TTLL5: variants seen among roughly 807,000 people sequenced by gnomAD.
TTLL5 encodes the protein tubulin polyglutamylase TTLL5.
Under a neutral mutation model 168.4 loss-of-function variants are expected in TTLL5, and 132 were observed. That is an observed-to-expected ratio of 0.78 (90% CI 0.68 to 0.91). The LOEUF is 0.91. Ranked by LOEUF, TTLL5 falls within the 40% of genes least tolerant of loss-of-function variation. The pLI is 0.00. For missense variants in TTLL5, 1,545 were observed against 1,581.5 expected (o/e 0.98, Z 0.39); for synonymous variants, 546 against 558.6 (o/e 0.98, Z 0.32).
At chr14:75,816,009 C>CT (rs1355781313) in intron 27 of TTLL5, among the ~76,000 whole-genome samples, 1 of 152,230 alleles carries the variant, frequency 6.6e-6, no homozygotes, top group East Asian at 1.9e-4. Flanking sequence ...GGCGAACACT[C>CT]TCTGTTCTGT....
chr14:75,863,799 G>C lies in TTLL5; in HGVS notation c.3459G>C (p.Gln1153His). ...AGSYQLQFAL[Q>H]QLEQQKLQSR... Reference sequence around the variant, plus strand: ...GCTATCAGCTTCAATTTGCCCTGCAGCAACTTGAACAACAAAAACTTCAGT... The same window carrying C: ...GCTATCAGCTTCAATTTGCCCTGCACCAACTTGAACAACAAAAACTTCAGT... The change falls in exon 29 of 32, where the codon CAG becomes CAC. Residue 1153 changes from glutamine to histidine, a missense_variant. Coordinates refer to ENST00000298832, the MANE Select transcript of TTLL5 (RefSeq NM_015072.5). 6.3e-7 allele frequency: 1 copy of C among 1,599,608 alleles called. No individual in the cohort carries two copies.
intron 21 of TTLL5, among the ~76,000 whole-genome samples, chr14:75,772,419 A>T (rs1891392848): frequency 6.6e-6 from 1 of 152,234 alleles, no homozygotes; most frequent in African/African-American, 2.4e-5. Flanking sequence ...TCATCACCTT[A>T]TCATAGGCCC....
At position 75,783,545 on chromosome 14, in the gene TTLL5, G is replaced by C; in HGVS notation, c.2986+15G>C. On this transcript the variant is annotated intron_variant, in intron 26 of 31. Coordinates refer to ENST00000298832, the MANE Select transcript of TTLL5 (RefSeq NM_015072.5). ...AGCAAAGGCAGGTGAGTGAGAGAAC[G>C]AAAGACAGTCCACAATGTGAGCTCC... 6.2e-7 allele frequency: 1 copy of C among 1,608,430 alleles called. No individual in the cohort carries two copies. The highest frequency in any genetic ancestry group is 8.5e-7 in the Non-Finnish European group (1 of 1,176,034).
rs372035829 is a variant in TTLL5 at position 75,791,105 on chromosome 14, C to CAAAAAAAAAAAAAAAAAAAA, written c.2987-1792_2987-1791insAAAAAAAAAAAAAAAAAAAA. On this transcript the variant is annotated intron_variant, in intron 26 of 31. Transcript: ENST00000298832. ...TGGGTGACAGAGCAAGACTCTGTCT[C>CAAAAAAAAAAAAAAAAAAAA]AAAAAAAAAAAAAAAAAAATACCAC... is the stretch of plus-strand genomic sequence containing the variant. 9.6e-4 allele frequency among the ~76,000 whole-genome samples: 74 copies of CAAAAAAAAAAAAAAAAAAAA among 77,260 alleles called. 8 individuals are homozygous for CAAAAAAAAAAAAAAAAAAAA. Among genetic ancestry groups the CAAAAAAAAAAAAAAAAAAAA allele is most frequent in the African/African-American group, 5.3e-3 (69 of 13,140 alleles). 50.7% of individuals were successfully genotyped at this position (77,260 alleles called of 152,430 possible).
At chr14:75,876,503 GT>G (rs1417947698) in intron 29 of TTLL5, among the ~76,000 whole-genome samples, 1 of 152,148 alleles carries the variant, frequency 6.6e-6, no homozygotes, top group Non-Finnish European at 1.5e-5. Flanking sequence ...TTCGTAATTG[GT>G]TTTAGAAATG....
rs369156212 is a variant in TTLL5 at position 75,935,494 on chromosome 14, A to G, written c.3824-18930A>G. On this transcript the variant is annotated intron_variant, in intron 31 of 31. Transcript: ENST00000298832. ...AGATGATAGGCTGATTCTAGGGCCC[A>G]TTTCAGTTTTCCATACAACAAGTTG... Among the ~76,000 whole-genome samples, 206 of 152,334 alleles carry G rather than the reference A, an allele frequency of 1.4e-3. 4 individuals are homozygous for G. In the South Asian group the frequency reaches 0.026, roughly 19 times the overall value.
intron 13 of TTLL5, 122 bp from the exon 14 acceptor site, chr14:75,733,867 G>A: frequency 1.2e-6 from 1 of 868,568 alleles, no homozygotes; most frequent in Non-Finnish European, 1.9e-6. Context: ...GGATTTTATG[G>A]GCTTTATGTG....
chr14:75,665,763 A>T (rs1883206324), intron 2 of TTLL5, among the ~76,000 whole-genome samples: 1 of 152,180 alleles, frequency 6.6e-6, no homozygotes, highest in Non-Finnish European at 1.5e-5. Context: ...GAGGCAGGTG[A>T]ATCGCTTGAA....
chr14:75,745,528 G>C lies in TTLL5; in HGVS notation c.1434G>C (p.Arg478=). 1 of 1,613,812 alleles carries C rather than the reference G, an allele frequency of 6.2e-7. No individual in the cohort carries two copies. The highest frequency in any genetic ancestry group is 1.6e-4 in the Middle Eastern group (1 of 6,062). The part of the protein sequence containing the change: ...VLRRVKEEND[R]RGGFIRIFPT... ...GAAGGGTGAAGGAGGAGAATGATCG[G>C]CGAGGTGGATTTATTCGCATATTTC... The change falls in exon 17 of 32, where the codon CGG becomes CGC. Residue 478 remains arginine (R), a synonymous_variant. Coordinates refer to ENST00000298832, the MANE Select transcript of TTLL5 (RefSeq NM_015072.5).
At chr14:75,705,524 A>G (rs796838902) in intron 7 of TTLL5, among the ~76,000 whole-genome samples, 3 of 152,264 alleles carry the variant, frequency 2.0e-5, no homozygotes, top group East Asian at 1.9e-4. Context: ...TTGCTGCTCT[A>G]TTGCTTATTA....
intron 29 of TTLL5, among the ~76,000 whole-genome samples, chr14:75,880,140 A>G (rs552596332): frequency 2.6e-5 from 4 of 151,120 alleles, no homozygotes; most frequent in South Asian, 2.1e-4. Context: ...AGATACTAGG[A>G]GAGAGAGAGA....
At chr14:75,690,060 G>T in intron 5 of TTLL5, 132 bp from the exon 6 acceptor site, 1 of 890,910 alleles carries the variant, frequency 1.1e-6, no homozygotes, top group Non-Finnish European at 1.7e-6. Context: ...GATTAACAGC[G>T]ATATGTTTAG....
intron 31 of TTLL5, among the ~76,000 whole-genome samples, chr14:75,942,217 C>T (rs540358491): frequency 4.6e-5 from 7 of 151,834 alleles, no homozygotes; most frequent in African/African-American, 1.7e-4. Context: ...CCTTAACCTT[C>T]AGACAGCTGA....
At chr14:75,851,717 G>C (rs1896865622) in intron 28 of TTLL5, among the ~76,000 whole-genome samples, 1 of 152,178 alleles carries the variant, frequency 6.6e-6, no homozygotes, top group African/African-American at 2.4e-5. Flanking sequence ...TTACTCTCCT[G>C]CTCACACATC....
rs373606267 is a variant in TTLL5, at chr14:75,933,979, T to C, written c.3824-20445T>C. On this transcript the variant is annotated intron_variant, in intron 31 of 31. Coordinates refer to ENST00000298832, the MANE Select transcript of TTLL5 (RefSeq NM_015072.5). Reference sequence around the variant, plus strand: ...GCACCTCCATCTTGGGCTTTGAGCCTCCACAACTGTGAGAAAATGAGTTCC... The same window carrying C: ...GCACCTCCATCTTGGGCTTTGAGCCCCCACAACTGTGAGAAAATGAGTTCC... 3.2e-4 allele frequency among the ~76,000 whole-genome samples: 48 copies of C among 152,298 alleles called. No individual in the cohort carries two copies. The East Asian group carries it at 7.0e-3, about 22-fold the overall frequency.
intron 28 of TTLL5, among the ~76,000 whole-genome samples, chr14:75,850,749 G>A (rs59879857): frequency 0.015 from 2,276 of 152,226 alleles, 55 homozygotes; most frequent in African/African-American, 0.052. Flanking sequence ...CCTTTCACAT[G>A]AGTTCAAAAA....
chr14:75,913,138 G>A (rs533221551), intron 31 of TTLL5, among the ~76,000 whole-genome samples: 1 of 152,296 alleles, frequency 6.6e-6, no homozygotes, highest in Non-Finnish European at 1.5e-5. Context: ...GCTTGGGAAA[G>A]CAGGTGGCAG....
At chr14:75,851,158 T>TG (rs1234818476) in intron 28 of TTLL5, among the ~76,000 whole-genome samples, 1 of 151,122 alleles carries the variant, frequency 6.6e-6, no homozygotes, top group Non-Finnish European at 1.5e-5. Flanking sequence ...TATTATCTTG[T>TG]GGGAAAATGT....
intron 29 of TTLL5, among the ~76,000 whole-genome samples, chr14:75,876,519 G>A (rs1004377257): frequency 2.6e-5 from 4 of 152,182 alleles, no homozygotes; most frequent in Non-Finnish European, 4.4e-5. Flanking sequence ...GAAATGAGAG[G>A]ATATGTTGGA....
Sources: allele counts gnomAD v4.1 joint callset (sites outside exome capture counted in the v4.1 genomes callset), GRCh38; gene constraint gnomAD v4.1.1; transcripts MANE v1.5; gene names NCBI Gene and HGNC (gene_info 2026-07-23, HGNC 2026-07-21).